The following DLEC1 variants were observed in gnomAD, a reference collection of about 807,000 sequenced individuals.
DLEC1 encodes the protein DLEC1 cilia and flagella associated protein.
A neutral mutation model predicts 198.1 loss-of-function variants in DLEC1; 146 were observed. That is an observed-to-expected ratio of 0.74 (90% confidence interval 0.64 to 0.85). The LOEUF (loss-of-function observed/expected upper bound fraction) is 0.85. Among genes scored for constraint, DLEC1 ranks in the 40% least tolerant of loss-of-function variants. The pLI is 0.00. For missense variants in DLEC1, 2,233 were observed against 2,220.0 expected (o/e 1.01, Z -0.12); for synonymous variants, 897 against 866.8 (o/e 1.03, Z -0.61).
rs182880621 is a variant in DLEC1, at chr3:38,102,837, A to G, written c.2864+2412A>G. Among the ~76,000 whole-genome samples the G allele has an allele frequency of 3.3e-3, 499 of 152,346 alleles. 2 individuals are homozygous for G. The highest frequency in any genetic ancestry group is 5.9e-3 in the Non-Finnish European group (401 of 68,032). On this transcript the variant is annotated intron_variant, in intron 19 of 36. Transcript: ENST00000308059. ...CATTCATAAATAAGAATGAAGGAAT[A>G]GCATCTTTCTGGTTGTTTCCTCCTC...
At position 38,093,657 on chromosome 3, in the gene DLEC1, C is replaced by T. The variant is rs1294499212; in HGVS notation, c.1809C>T (p.Ser603=). Residue 603 remains serine, a synonymous_variant, in exon 12 of 37, where the codon AGC becomes AGT. Coordinates refer to ENST00000308059, the MANE Select transcript of DLEC1 (RefSeq NM_007335.4). Reference sequence around the variant, plus strand: ...TGATCTATATTTCTGGTGAAAAAAGCCAGCCAGACCCTGGAGAGCTCACAG... The same window carrying T: ...TGATCTATATTTCTGGTGAAAAAAGTCAGCCAGACCCTGGAGAGCTCACAG... ...LDLIYISGEK[S]QPDPGELTDL... 2.5e-6 allele frequency: 4 copies of T among 1,614,228 alleles called. No individual in the cohort carries two copies. The highest frequency in any genetic ancestry group is 1.3e-5 in the African/African-American group (1 of 75,050).
In DLEC1 at chr3:38,121,646, G is replaced by A; in HGVS notation, c.4885G>A (p.Val1629Met). 1.2e-6 allele frequency: 2 copies of A among 1,613,864 alleles called. No individual in the cohort carries two copies. Among genetic ancestry groups the A allele is most frequent in the East Asian group, 2.2e-5 (1 of 44,876 alleles). ...QTTQVVPLRA[V>M]VAVPELQLST... Reference sequence around the variant, plus strand: ...CCCACAGGTGGTGCCCCTGCGGGCTGTGGTGGCCGTGCCTGAGCTGCAGCT... The same window carrying A: ...CCCACAGGTGGTGCCCCTGCGGGCTATGGTGGCCGTGCCTGAGCTGCAGCT... Residue 1629 changes from valine (V) to methionine (M), a missense_variant, in exon 35 of 37, where the codon GTG becomes ATG. Physicochemically the swap from Val to Met is conservative, Grantham distance 21. Coordinates refer to ENST00000308059, the MANE Select transcript of DLEC1 (RefSeq NM_007335.4).
At chr3:38,075,310 T>C (rs1697549157) in intron 6 of DLEC1, among the ~76,000 whole-genome samples, 1 of 152,102 alleles carries the variant, frequency 6.6e-6, no homozygotes, top group Non-Finnish European at 1.5e-5. Flanking sequence ...TGACAAAAAT[T>C]ATTTAGGTCT....
At chr3:38,096,430 T>C (rs1023304557) in intron 14 of DLEC1, 139 bp from the exon 15 acceptor site, 1 of 1,034,362 alleles carries the variant, frequency 9.7e-7, no homozygotes, top group Non-Finnish European at 1.4e-6. Flanking sequence ...GGCTAATGCC[T>C]TTGATTTAGG....
At chr3:38,069,394 T>A (rs2125630641) in intron 6 of DLEC1, among the ~76,000 whole-genome samples, 1 of 152,270 alleles carries the variant, frequency 6.6e-6, no homozygotes, top group Middle Eastern at 3.4e-3. Flanking sequence ...TAAGCCTAAT[T>A]ACCTTGACAC....
chr3:38,110,066 A>C (rs747116948), intron 22 of DLEC1, 33 bp from the exon 23 acceptor site: 50 of 1,610,508 alleles, frequency 3.1e-5, no homozygotes, highest in Non-Finnish European at 4.1e-5. Flanking sequence ...GGTGTGTTAC[A>C]TAGTACCAAT....
intron 2 of DLEC1, among the ~76,000 whole-genome samples, chr3:38,056,321 G>GT (rs1559400523): frequency 1.3e-5 from 2 of 151,990 alleles, no homozygotes; most frequent in African/African-American, 4.8e-5. Context: ...TTTTGTTTTT[G>GT]TTTTTTGAGA....
At chr3:38,116,397 C>CG (rs1700160110) in intron 27 of DLEC1, 56 bp from the exon 28 acceptor site, 1 of 1,593,034 alleles carries the variant, frequency 6.3e-7, no homozygotes, top group Non-Finnish European at 8.6e-7. Flanking sequence ...GAGGGGGCCC[C>CG]GGGGGGTTGT....
Position 38,085,460 on chromosome 3 carries a change from C to T in DLEC1, c.1435+13C>T, listed in dbSNP as rs201934040. On this transcript the variant is annotated intron_variant, in intron 8 of 36. Coordinates refer to ENST00000308059, the MANE Select transcript of DLEC1 (RefSeq NM_007335.4). Reference sequence around the variant, plus strand: ...CCCGTGCTGACATGTGAGTGTGCACCGTAGCTTCCCACAGATTCAGTTAAG... The same window carrying T: ...CCCGTGCTGACATGTGAGTGTGCACTGTAGCTTCCCACAGATTCAGTTAAG... The T allele has an allele frequency of 1.2e-3, 1,870 of 1,612,702 alleles. 1 individual carries two copies. Among genetic ancestry groups the T allele is most frequent in the South Asian group, 3.4e-3 (310 of 91,050 alleles).
chr3:38,059,963 T>G (rs1372976410), intron 3 of DLEC1, 111 bp downstream of exon 3: 2 of 880,258 alleles, frequency 2.3e-6, no homozygotes, highest in Non-Finnish European at 3.5e-6. Context: ...TTTCACCTTT[T>G]CTTTAATTTC....
intron 2 of DLEC1, among the ~76,000 whole-genome samples, chr3:38,058,806 G>A (rs1008738856): frequency 6.6e-6 from 1 of 152,038 alleles, no homozygotes; most frequent in Non-Finnish European, 1.5e-5. Context: ...TAATGGTGGA[G>A]GCTGTGCATG....
chr3:38,088,172 TG>T, intron 9 of DLEC1, 123 bp from the exon 10 acceptor site: 2 of 805,792 alleles, frequency 2.5e-6, no homozygotes, highest in Non-Finnish European at 2.0e-6. Flanking sequence ...CATTACCATG[TG>T]ACTGGATGAT....
At chr3:38,077,325 A>T (rs953530548) in intron 6 of DLEC1, among the ~76,000 whole-genome samples, 1 of 152,254 alleles carries the variant, frequency 6.6e-6, no homozygotes, top group Non-Finnish European at 1.5e-5. Flanking sequence ...TTTGGGGCAC[A>T]GTCTAAGTTG....
At chr3:38,045,499 G>A (rs1422097920) in intron 1 of DLEC1, 44 bp from the exon 2 acceptor site, 4 of 1,592,266 alleles carry the variant, frequency 2.5e-6, no homozygotes, top group Admixed American at 1.7e-5. Context: ...GTAATGGTAA[G>A]TAATCTCACC....
rs908346113 is a variant in DLEC1, at chr3:38,112,171, C to G, written c.3515-39C>G. 1 of 1,613,090 alleles carries G rather than the reference C, an allele frequency of 6.2e-7. No homozygotes were observed. Among genetic ancestry groups the G allele is most frequent in the Admixed American group, 1.7e-5 (1 of 59,992 alleles). ...AGGGTTTGGACCTCACTCCCAACCC[C>G]AGGCCCGTGAATCCCCCACAGTCGC... On this transcript the variant is annotated intron_variant, in intron 24 of 36. Coordinates refer to ENST00000308059, the MANE Select transcript of DLEC1 (RefSeq NM_007335.4). This position sits in a 1 kb window ranked among gnomAD's most constrained non-coding sequence, Gnocchi z 4.8.
chr3:38,123,006 A>T lies in DLEC1; in HGVS notation c.*594A>T. 1 of 1,603,220 alleles carries T rather than the reference A, an allele frequency of 6.2e-7. No homozygotes were observed. Among genetic ancestry groups the T allele is most frequent in the Non-Finnish European group, 8.5e-7 (1 of 1,170,882 alleles). On this transcript the variant is annotated 3_prime_UTR_variant, in exon 37 of 37. Coordinates refer to ENST00000308059, the MANE Select transcript of DLEC1 (RefSeq NM_007335.4). ...GGTGTTACTGCCTTGCTGCTAGAGC[A>T]GCAGGACTGTCTGCGTAGCGCCTCC...
At chr3:38,099,169 C>G (rs1484526331) in intron 18 of DLEC1, among the ~76,000 whole-genome samples, 17 of 152,224 alleles carry the variant, frequency 1.1e-4, no homozygotes, top group African/African-American at 4.1e-4. Flanking sequence ...CTGCTTCTCC[C>G]CACATTCCAG....
At chr3:38,093,015 C>G in intron 11 of DLEC1, 135 bp downstream of exon 11, 1 of 815,826 alleles carries the variant, frequency 1.2e-6, no homozygotes, top group Non-Finnish European at 2.0e-6. Flanking sequence ...AATGCTGCAG[C>G]CTCCAGGTGC....
In DLEC1 at chr3:38,111,418, C is replaced by A. The variant is rs114286021; in HGVS notation, c.3444-259C>A. Among the ~76,000 whole-genome samples the A allele has an allele frequency of 5.4e-3, 828 of 152,306 alleles. 9 individuals are homozygous for A. Among genetic ancestry groups the A allele is most frequent in the African/African-American group, 0.019 (796 of 41,554 alleles). On this transcript the variant is annotated intron_variant, in intron 23 of 36. Coordinates refer to ENST00000308059, the MANE Select transcript of DLEC1 (RefSeq NM_007335.4). ...CAGGGAGTCCTGCTTCAGAGCCCGC[C>A]TGGGTTTCTGGGGAGGTAATCCCTG...
Sources: allele counts gnomAD v4.1 joint callset (sites outside exome capture counted in the v4.1 genomes callset), GRCh38; gene constraint gnomAD v4.1.1; non-coding constraint Gnocchi (gnomAD v3.1); transcripts MANE v1.5; gene names NCBI Gene and HGNC (gene_info 2026-07-23, HGNC 2026-07-21).